RBFOX1: variants seen among roughly 807,000 people sequenced by gnomAD.
The protein encoded by RBFOX1 is RNA binding protein fox-1 homolog 1.
A neutral mutation model predicts 57.7 loss-of-function variants in RBFOX1; 8 were observed. That is an observed-to-expected ratio of 0.14 (90% confidence interval 0.08 to 0.25). RBFOX1 has a LOEUF of 0.25. Ranked by LOEUF, RBFOX1 falls within the 10% of genes least tolerant of loss-of-function variation. The pLI, the probability that RBFOX1 is intolerant of heterozygous loss-of-function variation, is 1.00. For missense variants in RBFOX1, 611 were observed against 548.5 expected, an observed-to-expected ratio of 1.11 and a Z score of -1.14; for synonymous variants, 326 against 222.4, an observed-to-expected ratio of 1.47 and a Z score of -4.15.
intron 2 of RBFOX1, among the ~76,000 whole-genome samples, chr16:6,445,444 A>G (rs1303180336): frequency 6.6e-6 from 1 of 152,000 alleles, no homozygotes; most frequent in Admixed American, 6.6e-5. Flanking sequence ...GAGATCAACA[A>G]TGTGGTGTGG....
intron 1 of RBFOX1, among the ~76,000 whole-genome samples, chr16:5,282,755 T>A (rs2063303049): frequency 6.6e-6 from 1 of 152,190 alleles, no homozygotes; most frequent in South Asian, 2.1e-4. Context: ...CTCAGTTTTA[T>A]AAGGGAAGCA....
chr16:7,247,479 C>CACATTACTCAT (rs922045083), intron 4 of RBFOX1, among the ~76,000 whole-genome samples: 1 of 152,116 alleles, frequency 6.6e-6, no homozygotes, highest in African/African-American at 2.4e-5. Flanking sequence ...GATAGGCACT[C>CACATTACTCAT]AGTAAATGTT....
intron 4 of RBFOX1, among the ~76,000 whole-genome samples, chr16:5,963,479 G>C (rs2059789357): frequency 6.6e-6 from 1 of 152,212 alleles, no homozygotes; most frequent in African/African-American, 2.4e-5. Context: ...AATGAAGCTG[G>C]AGGTATCACA....
At chr16:6,294,318 C>T (rs1212191030) in intron 1 of RBFOX1, among the ~76,000 whole-genome samples, 1 of 152,212 alleles carries the variant, frequency 6.6e-6, no homozygotes, top group Non-Finnish European at 1.5e-5. Flanking sequence ...GCTTATTAGA[C>T]TTGGAGACAC....
At chr16:6,570,539 T>C (rs1312487529) in intron 2 of RBFOX1, among the ~76,000 whole-genome samples, 1 of 152,186 alleles carries the variant, frequency 6.6e-6, no homozygotes, top group Non-Finnish European at 1.5e-5. Flanking sequence ...AAAATATAAT[T>C]TATACATGTA....
At chr16:5,390,994 C>T (rs546398718) in intron 1 of RBFOX1, among the ~76,000 whole-genome samples, 12 of 152,314 alleles carry the variant, frequency 7.9e-5, no homozygotes, top group African/African-American at 2.9e-4. Context: ...TGCTTTCATT[C>T]CAGCATCCTG....
intron 4 of RBFOX1, among the ~76,000 whole-genome samples, chr16:7,157,124 A>G (rs561813508): frequency 4.7e-4 from 72 of 152,160 alleles, no homozygotes; most frequent in Non-Finnish European, 9.4e-4. Context: ...GGAGAAAGCA[A>G]TCGTATTCTC....
At chr16:7,249,048 G>A (rs930668018) in intron 4 of RBFOX1, among the ~76,000 whole-genome samples, 3 of 152,038 alleles carry the variant, frequency 2.0e-5, no homozygotes, top group Non-Finnish European at 1.5e-5. Context: ...CATAATAGAG[G>A]GAGGGAAAAG....
chr16:7,601,264 T>A (rs2095006591), intron 9 of RBFOX1, among the ~76,000 whole-genome samples: 1 of 152,214 alleles, frequency 6.6e-6, no homozygotes, highest in Non-Finnish European at 1.5e-5. Flanking sequence ...AGCTCTCTAG[T>A]GGGAACTGTA....
intron 2 of RBFOX1, among the ~76,000 whole-genome samples, chr16:6,511,346 C>G (rs1225624495): frequency 6.6e-6 from 1 of 152,150 alleles, no homozygotes; most frequent in Non-Finnish European, 1.5e-5. Context: ...TATGCTTTTT[C>G]TTAGTGTCTA....
intron 2 of RBFOX1, among the ~76,000 whole-genome samples, chr16:6,371,297 A>G (rs1277034254): frequency 1.3e-5 from 2 of 152,184 alleles, no homozygotes; most frequent in African/African-American, 4.8e-5. Flanking sequence ...TATTACGGCT[A>G]TCAAATGATG....
chr16:6,079,182 T>C (rs1345759774), intron 1 of RBFOX1, among the ~76,000 whole-genome samples: 1 of 152,178 alleles, frequency 6.6e-6, no homozygotes, highest in East Asian at 1.9e-4. Flanking sequence ...ATTACATGCC[T>C]GTAATCCCAG....
rs1008070536 is a variant in RBFOX1 at position 6,150,860 on chromosome 16, T to C, written c.-127+130868T>C. On this transcript the variant is annotated intron_variant, in intron 1 of 15. Coordinates refer to ENST00000550418, the MANE Select transcript of RBFOX1 (RefSeq NM_018723.4). ...TCCTCACCTGAGACCATTTGCAGCA[T>C]GTCAGGTTGTCTTGACGTGCAGCTG... 3.3e-5 allele frequency among the ~76,000 whole-genome samples: 5 copies of C among 152,336 alleles called. No individual in the cohort carries two copies. The East Asian group carries it at 9.7e-4, about 29-fold the overall frequency.
intron 1 of RBFOX1, among the ~76,000 whole-genome samples, chr16:6,040,512 A>G (rs1017228198): frequency 6.6e-6 from 1 of 152,144 alleles, no homozygotes; most frequent in African/African-American, 2.4e-5. Context: ...CTCAGGGTTT[A>G]TCTGCGTGGA....
In RBFOX1 at chr16:7,082,997, A is replaced by G. The variant is rs72763523; in HGVS notation, c.27+30899A>G. On this transcript the variant is annotated intron_variant, in intron 4 of 15. Coordinates refer to ENST00000550418, the MANE Select transcript of RBFOX1 (RefSeq NM_018723.4). The stretch of plus-strand genomic sequence containing the variant: ...TAAATATGGAAAAAAATGGTTTTGA[A>G]TTGAATATTTGAATATATTTACTTT... Among the ~76,000 whole-genome samples the G allele has an allele frequency of 5.4e-3, 829 of 152,314 alleles. 2 individuals are homozygous for G. Among genetic ancestry groups the G allele is most frequent in the Middle Eastern group, 0.017 (5 of 294 alleles).
chr16:6,228,161 A>C (rs1336189182), intron 1 of RBFOX1, among the ~76,000 whole-genome samples: 3 of 151,962 alleles, frequency 2.0e-5, no homozygotes, highest in Non-Finnish European at 4.4e-5. Flanking sequence ...AAATACAAAA[A>C]ATATCTAGGC....
chr16:7,436,087 G>A (rs534087295), intron 4 of RBFOX1, among the ~76,000 whole-genome samples: 93 of 152,256 alleles, frequency 6.1e-4, no homozygotes, highest in Non-Finnish European at 1.1e-3. Flanking sequence ...AAACAACTCT[G>A]TTATGGAGAG....
intron 1 of RBFOX1, among the ~76,000 whole-genome samples, chr16:6,047,496 G>C (rs968706955): frequency 1.3e-5 from 2 of 152,192 alleles, no homozygotes; most frequent in African/African-American, 4.8e-5. Flanking sequence ...GAAAACTCCA[G>C]GATTTTGGGT....
At chr16:7,083,901 C>T (rs1468686470) in intron 4 of RBFOX1, among the ~76,000 whole-genome samples, 1 of 152,058 alleles carries the variant, frequency 6.6e-6, no homozygotes, top group Non-Finnish European at 1.5e-5. Flanking sequence ...AAGCTAGGAA[C>T]CCTATCACTT....
Sources: gnomAD v4.1 joint callset for allele counts (sites outside exome capture counted in the v4.1 genomes callset) on GRCh38, gnomAD v4.1.1 for gene constraint, MANE v1.5 for transcripts, NCBI Gene and HGNC (gene_info 2026-07-23, HGNC 2026-07-21) for gene names.